Variants in CHD7 observed in about 807,000 individuals in gnomAD.
CHD7 encodes the protein chromodomain helicase DNA binding protein 7.
Under a neutral mutation model 307.3 loss-of-function variants are expected in CHD7, and 24 were observed. That is an observed-to-expected ratio of 0.08 (90% confidence interval 0.06 to 0.11). CHD7 has a LOEUF of 0.11. Ranked by LOEUF, CHD7 falls within the 10% of genes least tolerant of loss-of-function variation. The probability of loss-of-function intolerance (pLI) is 1.00; values close to 1 mark genes in which losing one functional copy is unlikely to be tolerated. For synonymous variants in CHD7, 1,363 were observed against 1,349.9 expected, an observed-to-expected ratio of 1.01 and a Z score of -0.21; for missense variants, 3,106 against 3,727.1, an observed-to-expected ratio of 0.83 and a Z score of 4.34.
intron 2 of CHD7, among the ~76,000 whole-genome samples, chr8:60,747,557 A>G (rs1360623849): frequency 5.3e-5 from 8 of 152,370 alleles, no homozygotes; most frequent in Non-Finnish European, 5.9e-5. Flanking sequence ...TGATTTTCAC[A>G]TCTGCTTCTG....
rs777480283 is a variant in CHD7 at position 60,781,007 on chromosome 8, C to T, written c.1673C>T (p.Pro558Leu). The T allele has an allele frequency of 1.5e-5, 23 of 1,551,284 alleles. No individual in the cohort carries two copies. The highest frequency in any genetic ancestry group is 6.8e-5 in the East Asian group (3 of 44,098). Residue 558 changes from proline to leucine, a missense_variant, in exon 3 of 38, where the codon CCG (proline) becomes CTG (leucine). By Grantham distance (98) the Pro-to-Leu change is moderately conservative. Transcript: ENST00000423902. ...CCTATTTGTGTCTCTCAGCATTCCC[C>T]GTCGGAGCCCTTTCTAGAGAAACCA... ...PQKVPVHQHSPSEPFLEKPVP... is the reference protein window; with the variant it reads ...PQKVPVHQHSLSEPFLEKPVP...
intron 19 of CHD7, among the ~76,000 whole-genome samples, chr8:60,839,997 G>C (rs1042355705): frequency 2.0e-5 from 3 of 152,198 alleles, no homozygotes; most frequent in Admixed American, 6.5e-5. Context: ...ACTCTGGACG[G>C]TGGGCAGTTC....
Position 60,856,695 on chromosome 8 carries a change from C to A in CHD7, c.7415C>A (p.Thr2472Lys), listed in dbSNP as rs747677437. Residue 2472 changes from threonine (T) to lysine (K), a missense_variant, in exon 34 of 38, where the codon ACA becomes AAA. This residue lies in a region of CHD7 where 1,030 missense variants were observed against 1,165.4 expected (regional missense o/e 0.88). Transcript: ENST00000423902. ...AAGTTTATCTTGCCTAATGTCTCAA[C>A]ACCAGTGTCTGATGCCTTTAAGACT... ...SSKFILPNVS[T>K]PVSDAFKTQM... is the part of the protein sequence containing the mutation. 6.2e-6 allele frequency: 10 copies of A among 1,614,038 alleles called. No individual in the cohort carries two copies. Among genetic ancestry groups the A allele is most frequent in the South Asian group, 1.1e-5 (1 of 91,084 alleles).
chr8:60,800,487 A>C lies in CHD7; in HGVS notation c.2338A>C (p.Arg780=), dbSNP rs769602856. The change falls in exon 5 of 38, where the codon AGG becomes CGG. Residue 780 remains arginine, a synonymous_variant. Transcript: ENST00000423902. ...GGCAGATGATGCAGATGCTGCTGGGAGGGATTCCCCCTCCAACACCTCCCA... is the reference window on the plus strand; with the variant it reads ...GGCAGATGATGCAGATGCTGCTGGGCGGGATTCCCCCTCCAACACCTCCCA... ...EEADDADAAG[R]DSPSNTSQSE... is the part of the protein sequence containing the mutation. The C allele has an allele frequency of 6.2e-7, 1 of 1,613,864 alleles. No individual in the cohort carries two copies. The highest frequency in any genetic ancestry group is 1.7e-5 in the Admixed American group (1 of 60,012).
intron 1 of CHD7, among the ~76,000 whole-genome samples, chr8:60,714,157 A>ATGAGGAC (rs1280588990): frequency 1.3e-5 from 2 of 151,798 alleles, no homozygotes; most frequent in African/African-American, 4.8e-5. Context: ...GCGCGAGGAC[A>ATGAGGAC]TGAGGACGGC....
At chr8:60,819,420 A>G (rs535783296) in intron 8 of CHD7, among the ~76,000 whole-genome samples, 8 of 152,312 alleles carry the variant, frequency 5.3e-5, no homozygotes, top group Middle Eastern at 3.4e-3. Flanking sequence ...ACTATATTCA[A>G]TGTAAATCAT....
At chr8:60,768,242 G>A (rs1586295637) in intron 2 of CHD7, among the ~76,000 whole-genome samples, 1 of 152,258 alleles carries the variant, frequency 6.6e-6, no homozygotes, top group East Asian at 1.9e-4. Flanking sequence ...AGCAGGACCA[G>A]AGCAGAGACC....
At chr8:60,860,340 G>A (rs16926514) in intron 34 of CHD7, among the ~76,000 whole-genome samples, 1,857 of 152,308 alleles carry the variant, frequency 0.012, 42 homozygotes, top group African/African-American at 0.042. Context: ...GCTGGCTTAG[G>A]ATTTCAGAGC....
rs777756135 is a variant in CHD7 at position 60,698,362 on chromosome 8, AATG to A, written c.-175+19284_-175+19286del. On this transcript the variant is annotated intron_variant, in intron 1 of 37. Coordinates refer to ENST00000423902, the MANE Select transcript of CHD7 (RefSeq NM_017780.4). Reference sequence around the variant, plus strand: ...AATATAGGGTAGGTGGACCAATTATAATGATGTCAGAGAATCCTCCTCCACCAG... The same window carrying A: ...AATATAGGGTAGGTGGACCAATTATAATGTCAGAGAATCCTCCTCCACCAG... 3.3e-5 allele frequency among the ~76,000 whole-genome samples: 5 copies of A among 152,344 alleles called. No individual in the cohort carries two copies. In the East Asian group the frequency reaches 7.7e-4, roughly 23 times the overall value.
intron 21 of CHD7, 125 bp downstream of exon 21, chr8:60,842,177 G>A (rs1805005923): frequency 5.3e-6 from 4 of 751,048 alleles, no homozygotes; most frequent in Admixed American, 5.7e-5. Context: ...TCAAATGAAT[G>A]CTTCTGCAGT....
intron 24 of CHD7, among the ~76,000 whole-genome samples, 195 bp downstream of exon 24, chr8:60,848,799 G>T (rs1344184836): frequency 6.6e-6 from 1 of 152,132 alleles, no homozygotes; most frequent in Non-Finnish European, 1.5e-5. Flanking sequence ...ATTTATGTTT[G>T]TAGTGTAAAG....
chr8:60,737,588 G>GT (rs1375114620), intron 1 of CHD7, among the ~76,000 whole-genome samples: 17 of 152,042 alleles, frequency 1.1e-4, no homozygotes, highest in South Asian at 2.1e-4. Flanking sequence ...TAGTTGAGTG[G>GT]TCTCGTTGTG....
chr8:60,737,731 G>A (rs1287631679), intron 1 of CHD7, among the ~76,000 whole-genome samples: 2 of 152,202 alleles, frequency 1.3e-5, no homozygotes, highest in African/African-American at 4.8e-5. Flanking sequence ...GGTACCGTTT[G>A]CTACATATTC....
intron 2 of CHD7, among the ~76,000 whole-genome samples, chr8:60,743,789 C>T (rs1156789220): frequency 6.6e-6 from 1 of 152,196 alleles, no homozygotes; most frequent in Non-Finnish European, 1.5e-5. Flanking sequence ...TTCACAAAGA[C>T]ATCTTTCCAT....
At position 60,802,803 on chromosome 8, in the gene CHD7, G is replaced by T. The variant is rs886722713; in HGVS notation, c.2442+1210G>T. ...ATTACTATTCAAATACTGCTATTGA[G>T]TGATCCTTGAACATGTTATTGCACC... On this transcript the variant is annotated intron_variant, in intron 6 of 37. Coordinates refer to ENST00000423902, the MANE Select transcript of CHD7 (RefSeq NM_017780.4). Among the ~76,000 whole-genome samples, 4 of 152,320 alleles carry T rather than the reference G, an allele frequency of 2.6e-5. No homozygotes were observed. The South Asian group carries it at 8.3e-4, about 32-fold the overall frequency.
intron 2 of CHD7, among the ~76,000 whole-genome samples, chr8:60,761,373 G>GA (rs1810195658): frequency 3.3e-5 from 5 of 150,600 alleles, no homozygotes; most frequent in Non-Finnish European, 7.4e-5. Flanking sequence ...GGATAGCACT[G>GA]GGAGATATAC....
At position 60,838,210 on chromosome 8, in the gene CHD7, C is replaced by T. The variant is rs763582696; in HGVS notation, c.4488C>T (p.His1496=). 1.9e-6 allele frequency: 3 copies of T among 1,603,920 alleles called. No individual in the cohort carries two copies. The highest frequency in any genetic ancestry group is 2.3e-5 in the South Asian group (2 of 88,676). The change falls in exon 19 of 38, where the codon CAC becomes CAT. Residue 1496 remains histidine (H), a synonymous_variant. Transcript: ENST00000423902. ...DIDQILLRRT[H]TITIESEGKG... Reference sequence around the variant, plus strand: ...ATCAGATCCTCCTACGTCGAACCCACACCATTACCATTGAGTCAGAAGGGA... The same window carrying T: ...ATCAGATCCTCCTACGTCGAACCCATACCATTACCATTGAGTCAGAAGGGA...
intron 15 of CHD7, among the ~76,000 whole-genome samples, chr8:60,835,658 C>T (rs568374990): frequency 4.6e-5 from 7 of 152,172 alleles, no homozygotes; most frequent in African/African-American, 1.7e-4. Context: ...TTTTTCATTT[C>T]GGAACAGATT....
intron 7 of CHD7, among the ~76,000 whole-genome samples, chr8:60,813,240 T>A (rs1316686308): frequency 6.6e-6 from 1 of 152,226 alleles, no homozygotes; most frequent in Non-Finnish European, 1.5e-5. Flanking sequence ...TTGGCTTCTG[T>A]ATGCTAATTT....
Sources: allele counts gnomAD v4.1 joint callset (sites outside exome capture counted in the v4.1 genomes callset), GRCh38; gene constraint gnomAD v4.1.1; regional missense constraint gnomAD v4.1.1; transcripts MANE v1.5; gene names NCBI Gene and HGNC (gene_info 2026-07-23, HGNC 2026-07-21).